BLTP1: variants seen among roughly 807,000 people sequenced by gnomAD.
The protein encoded by BLTP1 is bridge-like lipid transfer protein family member 1.
At chr4:122,167,019 C>G in the BLTP1 span, among the ~76,000 whole-genome samples, 1 of 152,052 alleles carries the variant, frequency 6.6e-6, no homozygotes, top group Non-Finnish European at 1.5e-5. Context: ...CTTTCTGTCC[C>G]TTAGTTGTGG....
the BLTP1 span, chr4:122,227,575 T>A: frequency 1.7e-6 from 1 of 584,608 alleles, no homozygotes; most frequent in Non-Finnish European, 2.2e-6. Flanking sequence ...AGTTTTTCTT[T>A]CTAGTTCGTT....
chr4:122,220,664 T>C, the BLTP1 span, among the ~76,000 whole-genome samples: 1 of 152,208 alleles, frequency 6.6e-6, no homozygotes. Flanking sequence ...AATTTTCTTT[T>C]GCTGCTCCCT....
At chr4:122,243,456 C>T in the BLTP1 span, 2 of 984,306 alleles carry the variant, frequency 2.0e-6, no homozygotes, top group African/African-American at 3.5e-5. Context: ...AATGTCAAGT[C>T]CAGGCCAGGC....
chr4:122,224,923 T>C, the BLTP1 span: 6 of 1,288,014 alleles, frequency 4.7e-6, no homozygotes, highest in East Asian at 7.3e-5. Flanking sequence ...TTCAAAGAAT[T>C]TGAGACTTTC....
the BLTP1 span, among the ~76,000 whole-genome samples, chr4:122,240,781 T>C: frequency 6.6e-6 from 1 of 152,218 alleles, no homozygotes; most frequent in African/African-American, 2.4e-5. Flanking sequence ...ATGAATATGG[T>C]TATTGGGCAT....
the BLTP1 span, among the ~76,000 whole-genome samples, chr4:122,326,088 G>A: frequency 6.6e-6 from 1 of 151,174 alleles, no homozygotes; most frequent in African/African-American, 2.4e-5. Context: ...ATTTGTCTTG[G>A]TTTTTACTTC....
At chr4:122,280,137 A>T in the BLTP1 span, 1 of 985,354 alleles carries the variant, frequency 1.0e-6, no homozygotes, top group Non-Finnish European at 1.2e-6. Flanking sequence ...AATTGTGATC[A>T]TGTGAGAATG....
chr4:122,346,540 G>A, the BLTP1 span: 1 of 1,506,698 alleles, frequency 6.6e-7, no homozygotes, highest in Non-Finnish European at 8.9e-7. Context: ...ATTCAGCTGT[G>A]TAATAACCCT....
chr4:122,277,707 G>C, the BLTP1 span: 1 of 983,502 alleles, frequency 1.0e-6, no homozygotes, highest in African/African-American at 1.7e-5. Context: ...AGCAGAAAAT[G>C]CAAGTTACAC....
the BLTP1 span, chr4:122,354,119 T>G: frequency 6.9e-6 from 7 of 1,014,984 alleles, no homozygotes; most frequent in Non-Finnish European, 1.0e-5. Context: ...TTCATTTCCT[T>G]AAACAATTTT....
At chr4:122,281,664 T>C in the BLTP1 span, 2 of 1,613,340 alleles carry the variant, frequency 1.2e-6, no homozygotes, top group African/African-American at 1.3e-5. Flanking sequence ...AAGAAGCCTA[T>C]TGTTCTTAAA....
At chr4:122,251,509 T>C in the BLTP1 span, 1 of 961,020 alleles carries the variant, frequency 1.0e-6, no homozygotes. Context: ...TTGGTGTCTT[T>C]GGAAATGTTT....
At chr4:122,356,814 A>G in the BLTP1 span, 1 of 1,570,690 alleles carries the variant, frequency 6.4e-7, no homozygotes, top group Non-Finnish European at 8.6e-7. Flanking sequence ...AATGCCATTT[A>G]CATGAATTGT....
chr4:122,341,418 A>T, the BLTP1 span, among the ~76,000 whole-genome samples: 1 of 152,132 alleles, frequency 6.6e-6, no homozygotes, highest in South Asian at 2.1e-4. Context: ...ATTTCTTGGG[A>T]GTGGTAAATA....
chr4:122,257,926 A>G, the BLTP1 span, among the ~76,000 whole-genome samples: 3 of 152,200 alleles, frequency 2.0e-5, no homozygotes, highest in Admixed American at 6.5e-5. Context: ...GTTTTGAATG[A>G]AACACATAAA....
chr4:122,311,492 T>C, the BLTP1 span, among the ~76,000 whole-genome samples: 1 of 152,120 alleles, frequency 6.6e-6, no homozygotes, highest in African/African-American at 2.4e-5. Context: ...TAAGTATACC[T>C]CAATATTTTT....
chr4:122,357,568 C>CAAAA, the BLTP1 span, among the ~76,000 whole-genome samples: 1 of 80,336 alleles, frequency 1.2e-5, no homozygotes, highest in Non-Finnish European at 2.6e-5. Flanking sequence ...GATCCTGTCT[C>CAAAA]AAAAAAAAAA....
the BLTP1 span, chr4:122,270,927 T>C: frequency 1.4e-6 from 2 of 1,435,672 alleles, no homozygotes; most frequent in East Asian, 5.0e-5. Context: ...TATTTTACCT[T>C]GGAGATGATT....
chr4:122,200,583 C>CA, the BLTP1 span: 79,773 of 888,580 alleles, frequency 0.09, 514 homozygotes, highest in Admixed American at 0.11. Flanking sequence ...CGTCTCAAAA[C>CA]AAAAAAAAAA....
Sources: gnomAD v4.1 joint callset for allele counts (sites outside exome capture counted in the v4.1 genomes callset) on GRCh38, gnomAD v4.1.1 for gene constraint, MANE v1.5 for transcripts, NCBI Gene and HGNC (gene_info 2026-07-23, HGNC 2026-07-21) for gene names.